ADAM12: variants seen among roughly 807,000 people sequenced by gnomAD.
The protein encoded by ADAM12 is disintegrin and metalloproteinase domain-containing protein 12.
Under a neutral mutation model 106.4 loss-of-function variants are expected in ADAM12, and 70 were observed. That is an observed-to-expected ratio of 0.66 (90% CI 0.54 to 0.80). The LOEUF (loss-of-function observed/expected upper bound fraction) is 0.80. Among genes scored for constraint, ADAM12 ranks in the 30% least tolerant of loss-of-function variants. The pLI, the probability that ADAM12 is intolerant of heterozygous loss-of-function variation, is 0.00. For missense variants in ADAM12, 1,010 were observed against 1,171.9 expected (o/e 0.86, Z 2.02); for synonymous variants, 420 against 433.5 (o/e 0.97, Z 0.39).
rs71309278 is a variant in ADAM12, at chr10:126,113,687, AAT to A, written c.604-3849_604-3848del. Among the ~76,000 whole-genome samples the A allele has an allele frequency of 8.4e-3, 203 of 24,096 alleles. 1 individual carries two copies. The highest frequency in any genetic ancestry group is 0.013 in the Admixed American group (14 of 1,098). The allele number at this position is 24,096 out of a possible 152,430, so 15.8% of individuals were successfully genotyped here. On this transcript the variant is annotated intron_variant, in intron 6 of 22. Coordinates refer to ENST00000448723, the MANE Select transcript of ADAM12 (RefSeq NM_001288973.2). ...AAAAAAAAAAAAAAAAAAAAAAAAA[AAT>A]ATATATATATATATATATATATATA...
intron 1 of ADAM12, among the ~76,000 whole-genome samples, chr10:126,384,120 A>G (rs1190873829): frequency 6.6e-6 from 1 of 152,210 alleles, no homozygotes; most frequent in Non-Finnish European, 1.5e-5. Flanking sequence ...AGTAAGCATA[A>G]AGGCAAAAGT....
intron 18 of ADAM12, 116 bp from the exon 19 acceptor site, chr10:126,039,545 A>G: frequency 7.7e-7 from 1 of 1,292,294 alleles, no homozygotes; most frequent in Non-Finnish European, 1.1e-6. Context: ...TGAAGAGAGT[A>G]CACCCGTGAG....
At chr10:126,032,049 T>TAAG (rs1312668471) in intron 21 of ADAM12, among the ~76,000 whole-genome samples, 5 of 150,742 alleles carry the variant, frequency 3.3e-5, no homozygotes, top group African/African-American at 1.0e-4. Context: ...CCTTCATTTA[T>TAAG]AAGTCAAACA....
chr10:126,168,196 C>G (rs866322968), intron 3 of ADAM12, among the ~76,000 whole-genome samples: 2 of 152,286 alleles, frequency 1.3e-5, no homozygotes, highest in Middle Eastern at 3.4e-3. Context: ...GTTCCTGGAT[C>G]CGAAAGACTT....
chr10:126,101,743 A>G (rs1328503950), intron 8 of ADAM12, among the ~76,000 whole-genome samples: 1 of 152,242 alleles, frequency 6.6e-6, no homozygotes, highest in Non-Finnish European at 1.5e-5. Context: ...GGCTAACACT[A>G]TCATATTCTG....
chr10:126,349,130 G>C (rs1392037322), intron 1 of ADAM12, among the ~76,000 whole-genome samples: 1 of 152,178 alleles, frequency 6.6e-6, no homozygotes, highest in Non-Finnish European at 1.5e-5. Context: ...CAGAATTTGA[G>C]ACCAAATAAC....
chr10:126,174,873 C>T (rs1473194176), intron 3 of ADAM12, among the ~76,000 whole-genome samples: 1 of 151,996 alleles, frequency 6.6e-6, no homozygotes, highest in Non-Finnish European at 1.5e-5. Flanking sequence ...CTGCCTCAGC[C>T]TCCCGAGTAG....
intron 3 of ADAM12, among the ~76,000 whole-genome samples, chr10:126,230,636 A>T (rs1034768226): frequency 6.6e-6 from 1 of 152,218 alleles, no homozygotes; most frequent in South Asian, 2.1e-4. Flanking sequence ...ATTTAAGTAT[A>T]AATCAATTGG....
rs577065221 is a variant in ADAM12, at chr10:126,044,800, G to C, written c.1995+1255C>G. Among the ~76,000 whole-genome samples the C allele has an allele frequency of 2.6e-5, 4 of 152,344 alleles. No homozygotes were observed. In the East Asian group the frequency reaches 7.7e-4, roughly 29 times the overall value. ...AGCAGAAATTGAGTAGAACTTGTCA[G>C]CAAGTGGCAGAGCCTACGTCAAATG... On this transcript the variant is annotated intron_variant, in intron 17 of 22. Transcript: ENST00000448723.
At chr10:126,115,371 G>A (rs570992344) in intron 6 of ADAM12, among the ~76,000 whole-genome samples, 1 of 152,306 alleles carries the variant, frequency 6.6e-6, no homozygotes, top group Admixed American at 6.5e-5. Flanking sequence ...CGATGGAGAG[G>A]GAAGGAGTCT....
intron 5 of ADAM12, among the ~76,000 whole-genome samples, chr10:126,133,293 G>A (rs543103076): frequency 2.6e-5 from 4 of 152,188 alleles, no homozygotes; most frequent in East Asian, 3.9e-4. Flanking sequence ...GGGCGTGTAC[G>A]CGTATTGGAG....
chr10:126,138,525 C>T (rs1242349576), intron 4 of ADAM12, among the ~76,000 whole-genome samples: 3 of 152,160 alleles, frequency 2.0e-5, no homozygotes, highest in African/African-American at 4.8e-5. Flanking sequence ...CAGGCACATG[C>T]CATCACACCC....
chr10:126,197,742 T>C (rs1957624154), intron 3 of ADAM12, among the ~76,000 whole-genome samples: 1 of 152,120 alleles, frequency 6.6e-6, no homozygotes, highest in South Asian at 2.1e-4. Context: ...AAATAGTCAA[T>C]GAATTTGGAG....
chr10:126,096,239 A>G (rs994769789), intron 10 of ADAM12, among the ~76,000 whole-genome samples: 3 of 152,200 alleles, frequency 2.0e-5, no homozygotes, highest in Non-Finnish European at 2.9e-5. Flanking sequence ...ATTCACCCTT[A>G]AAAAATATTC....
chr10:126,227,459 A>G (rs1334875047), intron 3 of ADAM12, among the ~76,000 whole-genome samples: 1 of 152,198 alleles, frequency 6.6e-6, no homozygotes, highest in African/African-American at 2.4e-5. Flanking sequence ...TAAGCCCCCT[A>G]CATAGACGAT....
intron 3 of ADAM12, among the ~76,000 whole-genome samples, chr10:126,265,519 G>A (rs907870028): frequency 1.3e-5 from 2 of 152,164 alleles, no homozygotes; most frequent in African/African-American, 2.4e-5. Flanking sequence ...AAGACAATCA[G>A]AGGTCACAGA....
chr10:126,140,856 G>C (rs971189169), intron 4 of ADAM12, among the ~76,000 whole-genome samples: 2 of 152,174 alleles, frequency 1.3e-5, no homozygotes, highest in African/African-American at 4.8e-5. Flanking sequence ...TTTGATTATG[G>C]GGAGTGGAGG....
chr10:126,086,021 T>TGCAGGATTG, intron 11 of ADAM12, among the ~76,000 whole-genome samples: 1 of 152,206 alleles, frequency 6.6e-6, no homozygotes, highest in Non-Finnish European at 1.5e-5. Context: ...GGAGGGGGAT[T>TGCAGGATTG]GCAGGATTGG....
intron 3 of ADAM12, among the ~76,000 whole-genome samples, chr10:126,255,602 T>C (rs1167736564): frequency 2.6e-5 from 4 of 152,206 alleles, no homozygotes; most frequent in Non-Finnish European, 4.4e-5. Context: ...TTAAACAAAA[T>C]AGTACAACCT....
Sources: gnomAD v4.1 joint callset for allele counts (sites outside exome capture counted in the v4.1 genomes callset) on GRCh38, gnomAD v4.1.1 for gene constraint, MANE v1.5 for transcripts, NCBI Gene and HGNC (gene_info 2026-07-23, HGNC 2026-07-21) for gene names.